NRXN1: variants seen among roughly 807,000 people sequenced by gnomAD.
NRXN1 encodes the protein neurexin-1.
NRXN1 carries 39 observed loss-of-function variants against 150.9 expected under a neutral mutation model. The ratio of observed to expected loss-of-function variants is 0.26; its 90% CI spans 0.20 to 0.34. The LOEUF is 0.34. Among genes scored for constraint, NRXN1 ranks in the 10% least tolerant of loss-of-function variants. The pLI is 1.00. For synonymous variants in NRXN1, 924 were observed against 757.0 expected (o/e 1.22, Z -3.62); for missense variants, 1,815 against 1,949.9 (o/e 0.93, Z 1.30).
At chr2:51,002,565 G>A (rs541238098) in intron 2 of NRXN1, among the ~76,000 whole-genome samples, 1 of 151,880 alleles carries the variant, frequency 6.6e-6, no homozygotes, top group Non-Finnish European at 1.5e-5. Flanking sequence ...GCTTAGTTAT[G>A]AGTCTGAAAG....
At chr2:50,261,003 A>AG (rs776656809) in intron 17 of NRXN1, among the ~76,000 whole-genome samples, 6 of 151,726 alleles carry the variant, frequency 4.0e-5, no homozygotes, top group Non-Finnish European at 7.4e-5. Context: ...AAAAGAACAG[A>AG]GAAAAAAAAT....
At chr2:50,909,320 C>T (rs552457138) in intron 5 of NRXN1, among the ~76,000 whole-genome samples, 39 of 152,142 alleles carry the variant, frequency 2.6e-4, no homozygotes, top group African/African-American at 8.9e-4. Context: ...GCATAAACAG[C>T]GTTTACATCA....
intron 5 of NRXN1, among the ~76,000 whole-genome samples, chr2:50,743,197 T>C (rs1296875701): frequency 6.6e-6 from 1 of 152,160 alleles, no homozygotes; most frequent in African/African-American, 2.4e-5. Flanking sequence ...AACTTGAGGT[T>C]AGGTGGGTCC....
intron 12 of NRXN1, among the ~76,000 whole-genome samples, chr2:50,515,341 T>G (rs548675291): frequency 6.6e-6 from 1 of 152,186 alleles, no homozygotes; most frequent in Non-Finnish European, 1.5e-5. Context: ...GTATAATGAT[T>G]TCATTATATA....
chr2:50,302,487 T>C (rs1575001069), intron 17 of NRXN1, among the ~76,000 whole-genome samples: 1 of 152,156 alleles, frequency 6.6e-6, no homozygotes, highest in East Asian at 1.9e-4. Flanking sequence ...ATACCAAAAG[T>C]CAAGAATGCC....
chr2:50,643,223 G>C (rs1684318033), intron 5 of NRXN1, among the ~76,000 whole-genome samples: 2 of 151,852 alleles, frequency 1.3e-5, no homozygotes, highest in Admixed American at 6.6e-5. Context: ...GAGACAAACT[G>C]CCACTTCATC....
At chr2:50,180,933 T>A (rs2060670244) in intron 18 of NRXN1, among the ~76,000 whole-genome samples, 1 of 152,154 alleles carries the variant, frequency 6.6e-6, no homozygotes, top group Admixed American at 6.6e-5. Context: ...TGACAGGTGT[T>A]CAAAACAGCA....
At chr2:50,284,416 T>C (rs893483494) in intron 17 of NRXN1, among the ~76,000 whole-genome samples, 1 of 152,190 alleles carries the variant, frequency 6.6e-6, no homozygotes, top group Non-Finnish European at 1.5e-5. Flanking sequence ...TTTCCCATTA[T>C]GTGACATCAC....
At chr2:50,862,466 A>G (rs1259689179) in intron 5 of NRXN1, among the ~76,000 whole-genome samples, 1 of 152,048 alleles carries the variant, frequency 6.6e-6, no homozygotes, top group Non-Finnish European at 1.5e-5. Context: ...AACTTGGTAC[A>G]TGGATACATT....
chr2:50,541,584 T>C (rs935013980), intron 9 of NRXN1, among the ~76,000 whole-genome samples: 14 of 152,186 alleles, frequency 9.2e-5, no homozygotes, highest in African/African-American at 3.1e-4. Flanking sequence ...CTTGATGATA[T>C]GGACAGGGTA....
chr2:50,347,277 CAA>C lies in NRXN1; in HGVS notation c.3365-110309_3365-110308del, dbSNP rs1279142355. 7.7e-7 allele frequency: 1 copy of C among 1,301,244 alleles called. No individual in the cohort carries two copies. 80.6% of individuals were successfully genotyped at this position (1,301,244 alleles called of 1,614,324 possible). On this transcript the variant is annotated intron_variant, in intron 17 of 22. Transcript: ENST00000401669. The surrounding 1 kb of genome is among the most constrained non-coding windows in gnomAD (Gnocchi z 4.9). ...GCTCCAGGTTCTCGAGAGATACTCC[CAA>C]AGAGTTTCGGGCGAGAGTGCGTGCC...
At chr2:50,564,520 TA>T (rs1313804018) in intron 8 of NRXN1, among the ~76,000 whole-genome samples, 6 of 152,174 alleles carry the variant, frequency 3.9e-5, no homozygotes, top group African/African-American at 1.4e-4. Context: ...TTTAAAGTAA[TA>T]TTTTTTATTT....
At chr2:50,528,751 C>G in intron 11 of NRXN1, 100 bp from the exon 12 acceptor site, 1 of 695,838 alleles carries the variant, frequency 1.4e-6, no homozygotes, top group South Asian at 1.8e-5. Context: ...GGGACAGACA[C>G]ATGCAAATAT....
intron 8 of NRXN1, among the ~76,000 whole-genome samples, chr2:50,584,118 G>A (rs1460450329): frequency 2.6e-5 from 4 of 152,146 alleles, no homozygotes; most frequent in Admixed American, 2.6e-4. Context: ...TTGGGCCTCA[G>A]GATACTTTTG....
intron 15 of NRXN1, among the ~76,000 whole-genome samples, chr2:50,494,234 T>C (rs1156709974): frequency 6.6e-6 from 1 of 152,226 alleles, no homozygotes; most frequent in African/African-American, 2.4e-5. Flanking sequence ...AAACTGCTTT[T>C]TTTTTAGCCA....
intron 5 of NRXN1, among the ~76,000 whole-genome samples, chr2:50,696,544 G>T (rs947870702): frequency 6.6e-6 from 1 of 152,074 alleles, no homozygotes; most frequent in Non-Finnish European, 1.5e-5. Context: ...TGAAGCAGGC[G>T]GAGAAAACTG....
chr2:51,025,359 T>C (rs921544290), intron 2 of NRXN1, among the ~76,000 whole-genome samples: 5 of 152,212 alleles, frequency 3.3e-5, no homozygotes, highest in African/African-American at 9.6e-5. Flanking sequence ...CAAAATAAAA[T>C]GCATTTCAGA....
chr2:50,229,699 C>T (rs2064757362), intron 18 of NRXN1, among the ~76,000 whole-genome samples: 1 of 152,010 alleles, frequency 6.6e-6, no homozygotes, highest in East Asian at 1.9e-4. Context: ...CTCTTTTAAG[C>T]TTCTAAATTA....
chr2:51,011,145 CTTA>C (rs1667794660), intron 2 of NRXN1, among the ~76,000 whole-genome samples: 1 of 151,912 alleles, frequency 6.6e-6, no homozygotes, highest in African/African-American at 2.4e-5. Context: ...CACGTCTTTA[CTTA>C]TTATTGAGGT....
Sources: allele counts gnomAD v4.1 joint callset (sites outside exome capture counted in the v4.1 genomes callset), GRCh38; gene constraint gnomAD v4.1.1; non-coding constraint Gnocchi (gnomAD v3.1); transcripts MANE v1.5; gene names NCBI Gene and HGNC (gene_info 2026-07-23, HGNC 2026-07-21).